DACH2: variants seen among roughly 807,000 people sequenced by gnomAD.
DACH2 encodes dachshund family transcription factor 2, also known as dachshund homolog 2.
DACH2 carries 17 observed loss-of-function variants against 35.8 expected under a neutral mutation model. That is an observed-to-expected ratio of 0.48 (90% CI 0.33 to 0.71). The LOEUF (loss-of-function observed/expected upper bound fraction) is 0.71, where lower values mean the gene tolerates loss of function less well. DACH2 is among the 30% of genes least tolerant of loss of function. The probability of loss-of-function intolerance (pLI) is 0.02; values close to 1 mark genes in which losing one functional copy is unlikely to be tolerated. For missense variants in DACH2, 469 were observed against 472.7 expected (o/e 0.99, Z 0.07); for synonymous variants, 195 against 177.3 (o/e 1.10, Z -0.79).
intron 4 of DACH2, among the ~76,000 whole-genome samples, chrX:86,679,042 C>T (rs1184255546): frequency 9.0e-6 from 1 of 111,664 alleles, no homozygotes; most frequent in Non-Finnish European, 1.9e-5. Flanking sequence ...CCACCATCCT[C>T]CCTGTCCTAC....
intron 3 of DACH2, among the ~76,000 whole-genome samples, chrX:86,528,853 C>T (rs188840757): frequency 5.1e-3 from 572 of 111,998 alleles, no homozygotes; most frequent in Non-Finnish European, 8.6e-3. Flanking sequence ...ATGTGAAATG[C>T]TATTACATGT....
chrX:86,749,630 T>G (rs974014954), intron 7 of DACH2, among the ~76,000 whole-genome samples: 1 of 111,086 alleles, frequency 9.0e-6, no homozygotes, highest in African/African-American at 3.3e-5. Flanking sequence ...CCATAAGTGA[T>G]ATAATAATAA....
chrX:86,399,469 C>A (rs949311561), intron 2 of DACH2, among the ~76,000 whole-genome samples: 1 of 111,785 alleles, frequency 8.9e-6, no homozygotes, highest in Non-Finnish European at 1.9e-5. Context: ...GCAGTTTCTT[C>A]CTAGCCTTGA....
intron 3 of DACH2, among the ~76,000 whole-genome samples, chrX:86,614,931 A>G (rs1319619162): frequency 1.8e-5 from 2 of 111,932 alleles, no homozygotes; most frequent in African/African-American, 6.5e-5. Flanking sequence ...AAAGAATAGC[A>G]AGGTTTCTTG....
chrX:86,442,293 A>AT (rs80177880), intron 2 of DACH2, among the ~76,000 whole-genome samples: 20,018 of 104,215 alleles, frequency 0.19, 1,686 homozygotes, highest in African/African-American at 0.29. Context: ...CCTGTTGGCC[A>AT]TTCTTGTGTC....
At chrX:86,556,007 G>A (rs905094020) in intron 3 of DACH2, among the ~76,000 whole-genome samples, 4 of 111,557 alleles carry the variant, frequency 3.6e-5, no homozygotes, top group South Asian at 3.7e-4. Flanking sequence ...ACTATGATTC[G>A]TGCCATAGCT....
At chrX:86,442,821 A>G (rs758947589) in intron 2 of DACH2, among the ~76,000 whole-genome samples, 5 of 109,102 alleles carry the variant, frequency 4.6e-5, no homozygotes, top group Non-Finnish European at 9.4e-5. Context: ...TCATTTCTCC[A>G]TCGTGTGTCC....
chrX:86,757,828 CCT>C (rs1392573155), intron 7 of DACH2, among the ~76,000 whole-genome samples: 3 of 112,086 alleles, frequency 2.7e-5, no homozygotes, highest in Non-Finnish European at 5.6e-5. Flanking sequence ...TCCTGTACAG[CCT>C]GCAGAACCAT....
intron 2 of DACH2, among the ~76,000 whole-genome samples, chrX:86,478,916 G>A (rs1418221232): frequency 9.0e-6 from 1 of 111,211 alleles, no homozygotes; most frequent in African/African-American, 3.3e-5. Context: ...AGGACAGAGG[G>A]CTTTCTGTAT....
intron 1 of DACH2, among the ~76,000 whole-genome samples, chrX:86,367,944 A>G (rs903738502): frequency 2.7e-5 from 3 of 110,912 alleles, no homozygotes; most frequent in African/African-American, 9.8e-5. Flanking sequence ...ACCACCCTGA[A>G]GTAACCTCCT....
intron 11 of DACH2, among the ~76,000 whole-genome samples, chrX:86,826,807 A>T (rs748227048): frequency 1.8e-5 from 2 of 112,552 alleles, no homozygotes; most frequent in South Asian, 7.2e-4. Context: ...ATATTATTTT[A>T]TCTCTTTCTT....
At chrX:86,553,876 T>C (rs1315255093) in intron 3 of DACH2, among the ~76,000 whole-genome samples, 1 of 111,445 alleles carries the variant, frequency 9.0e-6, no homozygotes, top group Non-Finnish European at 1.9e-5. Context: ...ATACAAATGA[T>C]TCATGGGTAA....
chrX:86,440,662 T>A (rs2037146194), intron 2 of DACH2, among the ~76,000 whole-genome samples: 2 of 111,588 alleles, frequency 1.8e-5, no homozygotes, highest in Admixed American at 9.6e-5. Context: ...CCTTGTTCTT[T>A]GTTCTTATTT....
At chrX:86,483,540 G>T (rs770415883) in intron 2 of DACH2, among the ~76,000 whole-genome samples, 25 of 111,371 alleles carry the variant, frequency 2.2e-4, no homozygotes, top group Non-Finnish European at 3.6e-4. Context: ...TGCTAAGAAA[G>T]ACTTGCCAGG....
intron 1 of DACH2, among the ~76,000 whole-genome samples, chrX:86,332,494 G>C (rs1015304050): frequency 1.8e-5 from 2 of 111,681 alleles, no homozygotes; most frequent in African/African-American, 6.5e-5. Flanking sequence ...CTTAATGAAA[G>C]TTAGTCAATC....
intron 1 of DACH2, among the ~76,000 whole-genome samples, chrX:86,248,029 A>G (rs143793983): frequency 1.8e-5 from 2 of 110,870 alleles, no homozygotes; most frequent in Non-Finnish European, 3.8e-5. Context: ...TAGGCATTAA[A>G]AAAATACCTC....
intron 7 of DACH2, among the ~76,000 whole-genome samples, chrX:86,796,568 T>C (rs754927343): frequency 8.9e-6 from 1 of 112,422 alleles, no homozygotes; most frequent in African/African-American, 3.2e-5. Context: ...GGGTGTTTTG[T>C]TTAAGTCTGA....
intron 3 of DACH2, among the ~76,000 whole-genome samples, chrX:86,596,364 A>G (rs7886591): frequency 0.02 from 2,197 of 110,930 alleles, 65 homozygotes; most frequent in African/African-American, 0.069. Flanking sequence ...ATGAATTTTA[A>G]TTTCTCCACG....
At chrX:86,298,019 C>A (rs998266797) in intron 1 of DACH2, among the ~76,000 whole-genome samples, 4 of 112,027 alleles carry the variant, frequency 3.6e-5, no homozygotes, top group Non-Finnish European at 7.5e-5. Flanking sequence ...TCCTTGCCTT[C>A]TGCCTTCTAT....
Sources: allele counts gnomAD v4.1 joint callset (sites outside exome capture counted in the v4.1 genomes callset), GRCh38; gene constraint gnomAD v4.1.1; transcripts MANE v1.5; gene names NCBI Gene and HGNC (gene_info 2026-07-23, HGNC 2026-07-21).